The following FABP7 variants were observed in gnomAD, a reference collection of about 807,000 sequenced individuals.
The protein encoded by FABP7 is fatty acid-binding protein, brain.
A neutral mutation model predicts 14.2 loss-of-function variants in FABP7; 13 were observed. The ratio of observed to expected loss-of-function variants is 0.91; its 90% CI spans 0.59 to 1.45. The LOEUF is 1.45. FABP7 is among the 40% of genes most tolerant of loss of function. The pLI is 0.00. For missense variants in FABP7, 149 were observed against 157.6 expected (o/e 0.95, Z 0.29); for synonymous variants, 49 against 51.4 (o/e 0.95, Z 0.20).
At chr6:122,756,208 G>T in the FABP7 span, among the ~76,000 whole-genome samples, 4 of 151,966 alleles carry the variant, frequency 2.6e-5, no homozygotes, top group Non-Finnish European at 5.9e-5. Context: ...TTTGCCCTGG[G>T]GTAAGAACCA....
At chr6:122,778,237 G>C (rs1400313953), upstream of FABP7, among the ~76,000 whole-genome samples, 2 of 152,148 alleles carry the variant, frequency 1.3e-5, no homozygotes, top group South Asian at 2.1e-4. Context: ...GATAGGCCTT[G>C]ACATTAAGTT....
the FABP7 span, among the ~76,000 whole-genome samples, chr6:122,753,795 G>A: frequency 2.7e-5 from 1 of 37,702 alleles, no homozygotes; most frequent in African/African-American, 1.1e-4. Flanking sequence ...CCCCCCCCCC[G>A]CCCACAGAAG....
the FABP7 span, among the ~76,000 whole-genome samples, chr6:122,763,231 T>G: frequency 6.6e-6 from 1 of 151,958 alleles, no homozygotes; most frequent in Non-Finnish European, 1.5e-5. Flanking sequence ...CAGAAGTAAT[T>G]CCACACATCT....
chr6:122,760,569 T>C, the FABP7 span, among the ~76,000 whole-genome samples: 1 of 152,088 alleles, frequency 6.6e-6, no homozygotes, highest in African/African-American at 2.4e-5. Context: ...TGCCTTCTTT[T>C]AGATTAATTG....
At chr6:122,779,676 C>A, upstream of FABP7, 1 of 901,442 alleles carries the variant, frequency 1.1e-6, no homozygotes, top group Non-Finnish European at 1.7e-6. Context: ...TTTTGCCCAC[C>A]CTCTTTCCAA....
chr6:122,750,927 CTG>C, the FABP7 span, among the ~76,000 whole-genome samples: 6 of 152,160 alleles, frequency 3.9e-5, no homozygotes, highest in African/African-American at 1.4e-4. Context: ...CTGACTTTTT[CTG>C]TGTTTTCATG....
the FABP7 span, among the ~76,000 whole-genome samples, chr6:122,753,826 G>T: frequency 9.1e-6 from 1 of 109,448 alleles, no homozygotes; most frequent in Non-Finnish European, 1.7e-5. Flanking sequence ...GCCACTTCAT[G>T]CTCACCTCAT....
At chr6:122,774,534 C>A in the FABP7 span, among the ~76,000 whole-genome samples, 16 of 151,932 alleles carry the variant, frequency 1.1e-4, no homozygotes, top group African/African-American at 3.6e-4. Context: ...TTGAAAGCAA[C>A]CATTCTTAGG....
the FABP7 span, among the ~76,000 whole-genome samples, chr6:122,759,361 A>T: frequency 3.5e-3 from 531 of 152,280 alleles, 16 homozygotes; most frequent in East Asian, 0.053. Context: ...ATCCAAATAA[A>T]TTCTAGTTAA....
the FABP7 span, among the ~76,000 whole-genome samples, chr6:122,754,234 C>T: frequency 6.6e-6 from 1 of 150,840 alleles, no homozygotes; most frequent in Non-Finnish European, 1.5e-5. Flanking sequence ...TAATCTTTTT[C>T]AATCCTAGAT....
the FABP7 span, among the ~76,000 whole-genome samples, chr6:122,764,621 T>C: frequency 6.6e-6 from 1 of 152,176 alleles, no homozygotes; most frequent in African/African-American, 2.4e-5. Flanking sequence ...CATCCCCTTT[T>C]TGTTAAAAAC....
chr6:122,755,459 A>ATTT, the FABP7 span, among the ~76,000 whole-genome samples: 1,344 of 131,926 alleles, frequency 0.01, 36 homozygotes, highest in Middle Eastern at 0.025. Flanking sequence ...TATGTTTTGT[A>ATTT]TTTTTTTTTT....
intron 3 of FABP7, chr6:122,781,574 G>C: frequency 8.2e-7 from 1 of 1,216,528 alleles, no homozygotes; most frequent in Non-Finnish European, 1.0e-6. Context: ...GCTATTATAA[G>C]AGAATCTCAG....
chr6:122,772,934 G>T, the FABP7 span, among the ~76,000 whole-genome samples: 1 of 151,714 alleles, frequency 6.6e-6, no homozygotes, highest in African/African-American at 2.4e-5. Context: ...GATAAAATGT[G>T]TACACATGAA....
At chr6:122,753,413 C>T in the FABP7 span, among the ~76,000 whole-genome samples, 3 of 151,292 alleles carry the variant, frequency 2.0e-5, no homozygotes, top group Non-Finnish European at 4.4e-5. Context: ...TTCAGTAATT[C>T]GCTCACACTC....
chr6:122,751,793 G>A, the FABP7 span, among the ~76,000 whole-genome samples: 3 of 152,130 alleles, frequency 2.0e-5, no homozygotes, highest in Admixed American at 2.0e-4. Context: ...TCAGCCTGAG[G>A]AAGGGAAGCC....
At position 122,783,956 on chromosome 6, in the gene FABP7, T is replaced by C. The variant is rs9375183; in HGVS notation, c.*189T>C. 2.8e-3 allele frequency: 1,240 copies of C among 440,200 alleles called. 26 individuals carry two copies. In the East Asian group the frequency reaches 0.044, roughly 16 times the overall value. The allele number at this position is 440,200 out of a possible 1,614,324, so 27.3% of individuals were successfully genotyped here. A position where few individuals can be genotyped will look rare whatever the true frequency, so the allele number is the denominator to read the frequency against. On this transcript the variant is annotated 3_prime_UTR_variant, in exon 4 of 4. Transcript: ENST00000368444. ...AATTTTAATCTGAAAATTTATCATG[T>C]TTTATAATTTGAATTAAAGTTTTGT...
chr6:122,775,851 AC>A (rs1159267223), upstream of FABP7, among the ~76,000 whole-genome samples: 24 of 152,198 alleles, frequency 1.6e-4, no homozygotes, highest in East Asian at 3.7e-3. Flanking sequence ...AAACAAACAA[AC>A]AAAAAACAAA....
chr6:122,750,168 T>G, the FABP7 span, among the ~76,000 whole-genome samples: 2 of 152,178 alleles, frequency 1.3e-5, no homozygotes, highest in Non-Finnish European at 2.9e-5. Flanking sequence ...ATGTTGAATA[T>G]TTCATGAGAT....
Sources: allele counts gnomAD v4.1 joint callset (sites outside exome capture counted in the v4.1 genomes callset), GRCh38; gene constraint gnomAD v4.1.1; transcripts MANE v1.5; gene names NCBI Gene and HGNC (gene_info 2026-07-23, HGNC 2026-07-21).